The following FGF7 variants were observed in gnomAD, a reference collection of about 807,000 sequenced individuals.
FGF7 encodes fibroblast growth factor 7.
Under a neutral mutation model 20.5 loss-of-function variants are expected in FGF7, and 6 were observed. That is an observed-to-expected ratio of 0.29 (90% CI 0.16 to 0.58). FGF7 has a LOEUF of 0.58. FGF7 is among the 20% of genes least tolerant of loss of function. FGF7 has a pLI of 0.90. For missense variants in FGF7, 144 were observed against 228.8 expected (o/e 0.63, Z 2.39); for synonymous variants, 64 against 74.7 (o/e 0.86, Z 0.74).
intron 2 of FGF7, among the ~76,000 whole-genome samples, chr15:49,471,484 A>AAATAATAATAAT (rs201297260): frequency 9.4e-4 from 130 of 137,846 alleles, no homozygotes; most frequent in East Asian, 4.9e-3. Context: ...CTCTATCTCA[A>AAATAATAATAAT]AATAATAATA....
At chr15:49,431,997 G>T (rs1237622317) in intron 2 of FGF7, among the ~76,000 whole-genome samples, 1 of 151,628 alleles carries the variant, frequency 6.6e-6, no homozygotes, top group African/African-American at 2.4e-5. Context: ...AAATAGGTTT[G>T]AATCTCTTGG....
At chr15:49,458,878 G>A (rs1430975446) in intron 2 of FGF7, among the ~76,000 whole-genome samples, 1 of 151,996 alleles carries the variant, frequency 6.6e-6, no homozygotes, top group African/African-American at 2.4e-5. Flanking sequence ...TTTCTAGACT[G>A]ACCAACATCT....
In FGF7 at chr15:49,445,670, G is replaced by GA. The variant is rs548823423; in HGVS notation, c.286+21094dup. Among the ~76,000 whole-genome samples, 39 of 151,324 alleles carry GA rather than the reference G, an allele frequency of 2.6e-4. No homozygotes were observed. The South Asian group carries it at 2.9e-3, about 11-fold the overall frequency. On this transcript the variant is annotated intron_variant, in intron 2 of 3. Coordinates refer to ENST00000267843, the MANE Select transcript of FGF7 (RefSeq NM_002009.4). ...TGTACAATTATTATGTCAATTGAAA[G>GA]AAAAAAATAAAATATAGAAAAGTAT... is the stretch of plus-strand genomic sequence containing the variant.
intron 2 of FGF7, among the ~76,000 whole-genome samples, chr15:49,446,686 G>A (rs1361846159): frequency 6.6e-6 from 1 of 151,534 alleles, no homozygotes; most frequent in Non-Finnish European, 1.5e-5. Flanking sequence ...TGTCTAGCTG[G>A]AGAATATGAT....
intron 2 of FGF7, among the ~76,000 whole-genome samples, chr15:49,444,873 G>C (rs973858752): frequency 2.6e-5 from 4 of 151,586 alleles, no homozygotes; most frequent in African/African-American, 9.7e-5. Context: ...ATAAAGTTTA[G>C]CCTCTCTTTT....
At chr15:49,430,962 C>A (rs1380001753) in intron 2 of FGF7, among the ~76,000 whole-genome samples, 1 of 148,718 alleles carries the variant, frequency 6.7e-6, no homozygotes, top group African/African-American at 2.5e-5. Flanking sequence ...GAATGATGCA[C>A]AACATTAGGG....
chr15:49,445,608 T>A (rs2052121518), intron 2 of FGF7, among the ~76,000 whole-genome samples: 1 of 151,558 alleles, frequency 6.6e-6, no homozygotes, highest in African/African-American at 2.4e-5. Context: ...CACTATACAC[T>A]GTATATATGA....
At chr15:49,450,498 ATTATTAATGG>A (rs928164817) in intron 2 of FGF7, among the ~76,000 whole-genome samples, 35 of 152,194 alleles carry the variant, frequency 2.3e-4, no homozygotes, top group African/African-American at 8.4e-4. Context: ...ATAAACTGAC[ATTATTAATGG>A]TTAATAGCTC....
rs2056358540 is a variant in FGF7 at position 49,485,806 on chromosome 15, G to A, written c.*1302G>A. The stretch of plus-strand genomic sequence containing the variant: ...TAGAATATATTTGAATGCATGGGTA[G>A]AAAATATCATATTTTAAAACTATGT... On this transcript the variant is annotated 3_prime_UTR_variant, in exon 4 of 4. Transcript: ENST00000267843. 1 of 152,218 alleles carries A rather than the reference G, an allele frequency of 6.6e-6. No individual in the cohort carries two copies. Among genetic ancestry groups the A allele is most frequent in the South Asian group, 2.1e-4 (1 of 4,834 alleles). The allele number at this position is 152,218 out of a possible 1,614,324, so 9.4% of individuals were successfully genotyped here.
At chr15:49,464,425 A>C (rs2054081143) in intron 2 of FGF7, among the ~76,000 whole-genome samples, 1 of 152,206 alleles carries the variant, frequency 6.6e-6, no homozygotes, top group Non-Finnish European at 1.5e-5. Context: ...AAATGATCTA[A>C]AAGTATGTAC....
intron 2 of FGF7, among the ~76,000 whole-genome samples, chr15:49,462,901 AG>A (rs1425048523): frequency 6.6e-6 from 1 of 152,196 alleles, no homozygotes; most frequent in Non-Finnish European, 1.5e-5. Context: ...CTAGGTCCTA[AG>A]GCACTTTATA....
chr15:49,426,298 C>T (rs1452417990), intron 2 of FGF7, among the ~76,000 whole-genome samples: 2 of 151,658 alleles, frequency 1.3e-5, no homozygotes, highest in Non-Finnish European at 1.5e-5. Context: ...ACCTAAATAC[C>T]CATTGTATAA....
chr15:49,454,539 T>C (rs866898795), intron 2 of FGF7, among the ~76,000 whole-genome samples: 4 of 152,336 alleles, frequency 2.6e-5, no homozygotes, highest in Middle Eastern at 3.4e-3. Context: ...TTAACTTATC[T>C]GTACTTTAAG....
chr15:49,474,972 A>G (rs1450270111), intron 2 of FGF7, among the ~76,000 whole-genome samples: 1 of 148,022 alleles, frequency 6.8e-6, no homozygotes, highest in East Asian at 2.0e-4. Context: ...GATAATTTGA[A>G]TTTATATTTA....
At chr15:49,464,036 G>A (rs897302829) in intron 2 of FGF7, among the ~76,000 whole-genome samples, 1 of 152,038 alleles carries the variant, frequency 6.6e-6, no homozygotes, top group Non-Finnish European at 1.5e-5. Context: ...TGAATAAGTT[G>A]TGATTTTTTT....
chr15:49,424,718 T>A, intron 2 of FGF7, 135 bp downstream of exon 2: 1 of 600,194 alleles, frequency 1.7e-6, no homozygotes, highest in Non-Finnish European at 2.8e-6. Context: ...TTCTCTAAAT[T>A]GAACTATGTT....
chr15:49,474,287 A>C (rs1002693363), intron 2 of FGF7, among the ~76,000 whole-genome samples: 5 of 152,212 alleles, frequency 3.3e-5, no homozygotes. Context: ...AGAAAGGGCC[A>C]AAGAAACTAA....
rs887499468 is a variant in FGF7 at position 49,433,353 on chromosome 15, C to T, written c.286+8770C>T. 4.0e-5 allele frequency among the ~76,000 whole-genome samples: 6 copies of T among 151,148 alleles called. No individual in the cohort carries two copies. The East Asian group carries it at 1.2e-3, about 30-fold the overall frequency. ...TTACTTTTTATTTTTTTTAATCTTC[C>T]AGTGGTAGAAGCAGCAGCACTTAGC... is the stretch of plus-strand genomic sequence containing the variant. On this transcript the variant is annotated intron_variant, in intron 2 of 3. Transcript: ENST00000267843.
At chr15:49,427,559 T>C (rs75773642) in intron 2 of FGF7, among the ~76,000 whole-genome samples, 3 of 151,984 alleles carry the variant, frequency 2.0e-5, no homozygotes, top group African/African-American at 7.2e-5. Context: ...AAATTTTACA[T>C]GAAAAGTAAT....
Sources: gnomAD v4.1 joint callset for allele counts (sites outside exome capture counted in the v4.1 genomes callset) on GRCh38, gnomAD v4.1.1 for gene constraint, MANE v1.5 for transcripts, NCBI Gene and HGNC (gene_info 2026-07-23, HGNC 2026-07-21) for gene names.